Variants in EXOC4 observed in about 807,000 individuals in gnomAD.
EXOC4 encodes the protein SEC8-like 1.
Under a neutral mutation model 107.2 loss-of-function variants are expected in EXOC4, and 71 were observed. That is an observed-to-expected ratio of 0.66 (90% CI 0.55 to 0.81). The LOEUF (loss-of-function observed/expected upper bound fraction) is 0.81, where lower values mean the gene tolerates loss of function less well. Ranked by LOEUF, EXOC4 falls within the 30% of genes least tolerant of loss-of-function variation. The pLI, the probability that EXOC4 is intolerant of heterozygous loss-of-function variation, is 0.00. For synonymous variants in EXOC4, 456 were observed against 441.2 expected, an observed-to-expected ratio of 1.03 and a Z score of -0.42; for missense variants, 1,108 against 1,189.6, an observed-to-expected ratio of 0.93 and a Z score of 1.01.
chr7:133,428,143 C>T (rs539085626), intron 7 of EXOC4, among the ~76,000 whole-genome samples: 5 of 152,298 alleles, frequency 3.3e-5, no homozygotes, highest in East Asian at 1.9e-4. Flanking sequence ...TGTATGTCTA[C>T]GGCTTATTAA....
chr7:133,941,852 G>A (rs1019212071), intron 14 of EXOC4, among the ~76,000 whole-genome samples: 18 of 44,288 alleles, frequency 4.1e-4, no homozygotes, highest in Admixed American at 9.0e-4. Context: ...TCTCTCTCTC[G>A]GATCTAAGTT....
chr7:133,681,823 AG>A lies in EXOC4; in HGVS notation c.1514+51683del, dbSNP rs543653997. On this transcript the variant is annotated intron_variant, in intron 10 of 17. Coordinates refer to ENST00000253861, the MANE Select transcript of EXOC4 (RefSeq NM_021807.4). ...GCCTCCTTCATCGGTTGTACGTTTT[AG>A]TTGTAAGGATTAAATAAATTAATAC... Among the ~76,000 whole-genome samples the A allele has an allele frequency of 4.5e-4, 69 of 152,220 alleles. No homozygotes were observed. The South Asian group carries it at 0.012, about 26-fold the overall frequency.
chr7:133,537,233 C>T (rs1800287576), intron 9 of EXOC4, among the ~76,000 whole-genome samples: 1 of 151,864 alleles, frequency 6.6e-6, no homozygotes, highest in Non-Finnish European at 1.5e-5. Context: ...TCACTGCAGC[C>T]TCCGCCTCCC....
At chr7:133,393,988 A>G (rs934469968) in intron 7 of EXOC4, among the ~76,000 whole-genome samples, 1 of 152,204 alleles carries the variant, frequency 6.6e-6, no homozygotes, top group South Asian at 2.1e-4. Context: ...ACCAGCCTGC[A>G]CTTAAATCAT....
intron 17 of EXOC4, among the ~76,000 whole-genome samples, chr7:134,008,927 G>A (rs1794706044): frequency 6.6e-6 from 1 of 152,006 alleles, no homozygotes; most frequent in South Asian, 2.1e-4. Context: ...CACTGCACCT[G>A]GCCTTGATCT....
chr7:133,798,788 G>T (rs938928169), intron 10 of EXOC4, among the ~76,000 whole-genome samples: 1 of 151,884 alleles, frequency 6.6e-6, no homozygotes, highest in Non-Finnish European at 1.5e-5. Flanking sequence ...CCATGAGAAA[G>T]ACAAAAAAAA....
At chr7:133,621,459 A>C (rs1282635492) in intron 9 of EXOC4, among the ~76,000 whole-genome samples, 1 of 152,240 alleles carries the variant, frequency 6.6e-6, no homozygotes, top group Non-Finnish European at 1.5e-5. Context: ...TACTTGAAGC[A>C]AAACTCCGAT....
intron 15 of EXOC4, among the ~76,000 whole-genome samples, chr7:134,003,903 A>G (rs1173058785): frequency 6.6e-6 from 1 of 152,150 alleles, no homozygotes; most frequent in Non-Finnish European, 1.5e-5. Flanking sequence ...ATATCTGCCA[A>G]AAAGCACCTG....
chr7:133,376,873 A>G (rs1441645586), intron 7 of EXOC4, among the ~76,000 whole-genome samples: 1 of 152,204 alleles, frequency 6.6e-6, no homozygotes, highest in East Asian at 1.9e-4. Context: ...CTATTTTATC[A>G]TCTTGATCCA....
At chr7:133,996,775 A>G (rs1306857061) in intron 14 of EXOC4, among the ~76,000 whole-genome samples, 2 of 152,194 alleles carry the variant, frequency 1.3e-5, no homozygotes, top group African/African-American at 4.8e-5. Flanking sequence ...TGAGTTCTAC[A>G]TTTCAAGGGA....
At chr7:133,621,103 T>C (rs1769578743) in intron 9 of EXOC4, among the ~76,000 whole-genome samples, 1 of 152,242 alleles carries the variant, frequency 6.6e-6, no homozygotes, top group Non-Finnish European at 1.5e-5. Flanking sequence ...CTTTGACTTA[T>C]GCTCATGGAA....
chr7:133,492,397 TA>T (rs1346895633), intron 9 of EXOC4, among the ~76,000 whole-genome samples: 3 of 152,194 alleles, frequency 2.0e-5, no homozygotes, highest in South Asian at 2.1e-4. Context: ...GAGTGTTAGA[TA>T]GGGGTAAAGA....
intron 9 of EXOC4, among the ~76,000 whole-genome samples, chr7:133,544,859 GTT>G (rs1800450936): frequency 1.4e-5 from 2 of 141,776 alleles, no homozygotes; most frequent in Non-Finnish European, 3.0e-5. Context: ...CCTGGTCACT[GTT>G]TTTCAGGGCT....
At chr7:133,934,093 T>G (rs555833827) in intron 13 of EXOC4, among the ~76,000 whole-genome samples, 1 of 152,308 alleles carries the variant, frequency 6.6e-6, no homozygotes, top group African/African-American at 2.4e-5. Flanking sequence ...ACACCAAACA[T>G]TTTTCTGTGT....
At chr7:133,690,368 A>G (rs1335960349) in intron 10 of EXOC4, among the ~76,000 whole-genome samples, 2 of 152,348 alleles carry the variant, frequency 1.3e-5, no homozygotes, top group East Asian at 1.9e-4. Context: ...TCCTCAGCGC[A>G]AAGTTTGCAG....
At chr7:133,811,585 G>T (rs562879099) in intron 10 of EXOC4, among the ~76,000 whole-genome samples, 74 of 152,208 alleles carry the variant, frequency 4.9e-4, no homozygotes, top group Non-Finnish European at 9.4e-4. Context: ...ATGTTCCCTA[G>T]TAGCTGTTTG....
intron 9 of EXOC4, among the ~76,000 whole-genome samples, chr7:133,569,637 C>G (rs190442136): frequency 6.6e-6 from 1 of 151,942 alleles, no homozygotes; most frequent in African/African-American, 2.4e-5. Flanking sequence ...AATGTATATA[C>G]GTAGGTATGT....
At chr7:133,292,115 T>C (rs1040669847) in intron 3 of EXOC4, among the ~76,000 whole-genome samples, 3 of 152,040 alleles carry the variant, frequency 2.0e-5, no homozygotes, top group African/African-American at 7.2e-5. Context: ...GAGGCTGAGG[T>C]GGGCAGATCA....
intron 9 of EXOC4, among the ~76,000 whole-genome samples, chr7:133,563,136 G>C (rs367663249): frequency 3.3e-5 from 5 of 152,208 alleles, no homozygotes; most frequent in Middle Eastern, 3.4e-3. Context: ...TGTACTAGTG[G>C]GTTGTCACAC....
Sources: allele counts gnomAD v4.1 joint callset (sites outside exome capture counted in the v4.1 genomes callset), GRCh38; gene constraint gnomAD v4.1.1; transcripts MANE v1.5; gene names NCBI Gene and HGNC (gene_info 2026-07-23, HGNC 2026-07-21).